ITGA9: variants seen among roughly 807,000 people sequenced by gnomAD.
ITGA9 encodes the protein integrin subunit alpha 9.
A neutral mutation model predicts 127.8 loss-of-function variants in ITGA9; 56 were observed. That is an observed-to-expected ratio of 0.44 (90% confidence interval 0.35 to 0.55). The LOEUF (loss-of-function observed/expected upper bound fraction) is 0.55. ITGA9 is among the 20% of genes least tolerant of loss of function. ITGA9 has a pLI of 0.00. For synonymous variants in ITGA9, 508 were observed against 514.5 expected (o/e 0.99, Z 0.17); for missense variants, 1,196 against 1,347.1 (o/e 0.89, Z 1.76).
At chr3:37,467,364 A>AGGAAATAATAATTCAGC (rs1698383755) in intron 1 of ITGA9, among the ~76,000 whole-genome samples, 1 of 152,196 alleles carries the variant, frequency 6.6e-6, no homozygotes, top group Non-Finnish European at 1.5e-5. Context: ...TGGGCTTGGA[A>AGGAAATAATAATTCAGC]GGAAATAATA....
At chr3:37,551,878 G>A (rs899257106) in intron 15 of ITGA9, among the ~76,000 whole-genome samples, 8 of 152,258 alleles carry the variant, frequency 5.3e-5, no homozygotes, top group African/African-American at 1.7e-4. Context: ...GCCCAAGAGG[G>A]CCTCTGAATG....
chr3:37,793,389 AAC>A (rs10575371), intron 26 of ITGA9, among the ~76,000 whole-genome samples: 25,734 of 134,224 alleles, frequency 0.19, 2,794 homozygotes, highest in African/African-American at 0.28. Flanking sequence ...CAAACAGGTC[AAC>A]ACACACACAC....
At chr3:37,640,859 G>A (rs971595671) in intron 16 of ITGA9, among the ~76,000 whole-genome samples, 1 of 152,158 alleles carries the variant, frequency 6.6e-6, no homozygotes, top group African/African-American at 2.4e-5. Context: ...CTGCCTCTGG[G>A]TGGTGGTGGG....
intron 23 of ITGA9, among the ~76,000 whole-genome samples, chr3:37,759,137 T>C (rs1373987600): frequency 6.6e-6 from 1 of 151,744 alleles, no homozygotes; most frequent in Non-Finnish European, 1.5e-5. Context: ...ACATGCAATA[T>C]ATATTTTGCC....
At chr3:37,473,009 C>T (rs1291928389) in intron 2 of ITGA9, among the ~76,000 whole-genome samples, 1 of 151,510 alleles carries the variant, frequency 6.6e-6, no homozygotes, top group Admixed American at 6.6e-5. Flanking sequence ...TGTGGTGGCG[C>T]ACACCTGTAA....
chr3:37,526,946 G>C (rs765476543), intron 13 of ITGA9, among the ~76,000 whole-genome samples: 1 of 152,200 alleles, frequency 6.6e-6, no homozygotes, highest in Non-Finnish European at 1.5e-5. Context: ...TTACTTCTAA[G>C]GGAACCAGCT....
chr3:37,618,478 C>G (rs533004063), intron 15 of ITGA9, among the ~76,000 whole-genome samples: 1 of 152,240 alleles, frequency 6.6e-6, no homozygotes, highest in Non-Finnish European at 1.5e-5. Context: ...AACCACTACT[C>G]TCTTCAAAGC....
chr3:37,616,538 T>C (rs1422968172), intron 15 of ITGA9, among the ~76,000 whole-genome samples: 2 of 152,324 alleles, frequency 1.3e-5, no homozygotes, highest in South Asian at 2.1e-4. Flanking sequence ...TTCTGTCTCG[T>C]TGATCTGTCT....
intron 18 of ITGA9, among the ~76,000 whole-genome samples, chr3:37,704,083 G>T (rs373722946): frequency 6.6e-6 from 1 of 152,274 alleles, no homozygotes; most frequent in East Asian, 1.9e-4. Context: ...GGGGTATGCT[G>T]GCTGCTCACG....
chr3:37,695,318 T>C (rs1700873823), intron 18 of ITGA9, among the ~76,000 whole-genome samples: 1 of 152,050 alleles, frequency 6.6e-6, no homozygotes, highest in African/African-American at 2.4e-5. Context: ...GTAAAGGGAG[T>C]CCAAGGAGCA....
chr3:37,561,305 AT>A (rs1452984924), intron 15 of ITGA9, among the ~76,000 whole-genome samples: 1 of 152,154 alleles, frequency 6.6e-6, no homozygotes, highest in Admixed American at 6.5e-5. Context: ...TATTAGCCCC[AT>A]TTTATGATCT....
intron 11 of ITGA9, among the ~76,000 whole-genome samples, chr3:37,521,004 T>A (rs548825307): frequency 6.6e-6 from 1 of 152,196 alleles, no homozygotes; most frequent in Admixed American, 6.5e-5. Flanking sequence ...ATAACTCTTG[T>A]GGTTAGCGTG....
At chr3:37,771,595 C>T (rs1167849483) in intron 23 of ITGA9, among the ~76,000 whole-genome samples, 4 of 152,114 alleles carry the variant, frequency 2.6e-5, no homozygotes, top group South Asian at 4.1e-4. Context: ...CACTGGGGCC[C>T]GGACATGACC....
intron 18 of ITGA9, among the ~76,000 whole-genome samples, chr3:37,712,360 A>C (rs1376562983): frequency 2.1e-4 from 1 of 4,830 alleles, no homozygotes; most frequent in Non-Finnish European, 3.9e-4. Flanking sequence ...TGTCCTTCCC[A>C]CTTAGGGAAC....
rs554760752 is a variant in ITGA9 at position 37,759,955 on chromosome 3, G to A, written c.2541+9386G>A. ...GAAAGTTAAACACCTGACTGGGCAC[G>A]GTGGCTCATGCCTGTAATCCCAGCA... On this transcript the variant is annotated intron_variant, in intron 23 of 27. Coordinates refer to ENST00000264741, the MANE Select transcript of ITGA9 (RefSeq NM_002207.3). Among the ~76,000 whole-genome samples, 10 of 151,944 alleles carry A rather than the reference G, an allele frequency of 6.6e-5. No homozygotes were observed. In the South Asian group the frequency reaches 1.3e-3, roughly 19 times the overall value.
intron 5 of ITGA9, among the ~76,000 whole-genome samples, chr3:37,499,202 A>G (rs1482834424): frequency 6.6e-6 from 1 of 152,254 alleles, no homozygotes; most frequent in East Asian, 1.9e-4. Flanking sequence ...GATACTGCTT[A>G]GCAGCAAGAG....
chr3:37,576,687 A>G (rs1575155660), intron 15 of ITGA9, among the ~76,000 whole-genome samples: 1 of 152,088 alleles, frequency 6.6e-6, no homozygotes, highest in African/African-American at 2.4e-5. Flanking sequence ...GCTCACTGCA[A>G]CCTCCGCCTC....
chr3:37,504,815 G>A (rs1698824159), intron 6 of ITGA9, among the ~76,000 whole-genome samples: 1 of 152,186 alleles, frequency 6.6e-6, no homozygotes, highest in African/African-American at 2.4e-5. Context: ...CACATGGTGA[G>A]GAAGAATTGA....
chr3:37,480,130 G>A (rs1355992650), intron 3 of ITGA9, among the ~76,000 whole-genome samples: 1 of 152,040 alleles, frequency 6.6e-6, no homozygotes, highest in African/African-American at 2.4e-5. Flanking sequence ...CTCTGAGTAA[G>A]CAGCTCGGCT....
Sources: gnomAD v4.1 joint callset for allele counts (sites outside exome capture counted in the v4.1 genomes callset) on GRCh38, gnomAD v4.1.1 for gene constraint, MANE v1.5 for transcripts, NCBI Gene and HGNC (gene_info 2026-07-23, HGNC 2026-07-21) for gene names.